FANCA: variants seen among roughly 807,000 people sequenced by gnomAD.
The protein encoded by FANCA is FA complementation group A, also known as Fanconi anemia group A protein.
FANCA carries 236 observed loss-of-function variants against 194.3 expected under a neutral mutation model. The observed-to-expected ratio is 1.21, with a 90% confidence interval of 1.09 to 1.35. FANCA has a LOEUF of 1.35. FANCA is among the 40% of genes most tolerant of loss of function. The probability of loss-of-function intolerance (pLI) is 0.00; values close to 1 mark genes in which losing one functional copy is unlikely to be tolerated. For synonymous variants in FANCA, 1,014 were observed against 715.8 expected (o/e 1.42, Z -6.65); for missense variants, 2,628 against 1,813.9 (o/e 1.45, Z -8.15).
intron 30 of FANCA, among the ~76,000 whole-genome samples, chr16:89,753,456 A>G (rs1180146328): frequency 6.6e-6 from 1 of 152,240 alleles, no homozygotes; most frequent in African/African-American, 2.4e-5. Context: ...GCTGGTCCCT[A>G]CACAAGGATA....
chr16:89,791,023 G>GTGT (rs1260672743), intron 14 of FANCA: 3 of 94,834 alleles, frequency 3.2e-5, no homozygotes, highest in Admixed American at 1.8e-4. Flanking sequence ...GTGTGTGTGT[G>GTGT]TTTTTTTTTT....
intron 15 of FANCA, 135 bp downstream of exon 15, chr16:89,784,707 TTGGGGAAGGGGA>T: frequency 1.3e-6 from 1 of 741,408 alleles, no homozygotes; most frequent in Non-Finnish European, 2.5e-6. Context: ...CATAAACGGC[TTGGGGAAGGGGA>T]AGGGGAAGGG....
rs71137673 is a variant in FANCA, at chr16:89,759,318, TAAAA to T, written c.2853-617_2853-614del. ...TTGGGCAACAGAGCGAGACTCCGTCTAAAAAAAAAAAAAAAAAAAAAAAAAAAAA... is the reference window on the plus strand; with the variant it reads ...TTGGGCAACAGAGCGAGACTCCGTCTAAAAAAAAAAAAAAAAAAAAAAAAA... On this transcript the variant is annotated intron_variant, in intron 29 of 42. Transcript: ENST00000389301. Among the ~76,000 whole-genome samples, 327 of 75,188 alleles carry T rather than the reference TAAAA, an allele frequency of 4.3e-3. 37 individuals carry two copies. Among genetic ancestry groups the T allele is most frequent in the South Asian group, 0.022 (48 of 2,232 alleles). 49.3% of individuals were successfully genotyped at this position (75,188 alleles called of 152,430 possible).
intron 6 of FANCA, among the ~76,000 whole-genome samples, chr16:89,807,249 G>C (rs976121466): frequency 1.3e-5 from 2 of 150,698 alleles, no homozygotes; most frequent in African/African-American, 4.9e-5. Flanking sequence ...ACAAGATCAG[G>C]AGTTCGAGAC....
In FANCA at chr16:89,815,948, C is replaced by A; in HGVS notation, c.118G>T (p.Ala40Ser). The change falls in exon 2 of 43, where the codon GCA becomes TCA. Residue 40 changes from alanine (A) to serine (S), a missense_variant. Coordinates refer to ENST00000389301, the MANE Select transcript of FANCA (RefSeq NM_000135.4). ...VKREKYNPERAQKLKESAVRL... is the reference protein window; with the variant it reads ...VKREKYNPERSQKLKESAVRL... ...ACAGCTGATTCCTTTAATTTCTGTG[C>A]CCTTTCAGGATTATATTTTTCCCTC... The A allele has an allele frequency of 6.2e-7, 1 of 1,614,100 alleles. No homozygotes were observed. Among genetic ancestry groups the A allele is most frequent in the Non-Finnish European group, 8.5e-7 (1 of 1,179,938 alleles).
At chr16:89,805,555 C>G (rs548830429) in intron 6 of FANCA, among the ~76,000 whole-genome samples, 163 bp from the exon 7 acceptor site, 1 of 152,102 alleles carries the variant, frequency 6.6e-6, no homozygotes, top group South Asian at 2.1e-4. Flanking sequence ...ACCTCCCAGG[C>G]TCAAGCAATC....
Position 89,746,873 on chromosome 16 carries a change from G to T in FANCA, c.3366C>A (p.His1122Gln). Reference sequence around the variant, plus strand: ...TGATGTCCTGTGTCAGGGCACCTCCGTGGGAGCAGAAGTTTCTCTGCAAAA... The same window carrying T: ...TGATGTCCTGTGTCAGGGCACCTCCTTGGGAGCAGAAGTTTCTCTGCAAAA... ...VNSEMRNFCS[H>Q]GGALTQDITA... is the part of the protein sequence containing the mutation. Residue 1122 changes from histidine (H) to glutamine (Q), a missense_variant, in exon 34 of 43, where the codon CAC becomes CAA. By Grantham distance (24) the His-to-Gln change is conservative. Coordinates refer to ENST00000389301, the MANE Select transcript of FANCA (RefSeq NM_000135.4). 1.3e-6 allele frequency: 2 copies of T among 1,558,664 alleles called. No individual in the cohort carries two copies. Among genetic ancestry groups the T allele is most frequent in the Non-Finnish European group, 1.7e-6 (2 of 1,150,404 alleles).
intron 5 of FANCA, among the ~76,000 whole-genome samples, chr16:89,809,024 G>A (rs963738354): frequency 1.3e-5 from 2 of 151,880 alleles, no homozygotes; most frequent in Non-Finnish European, 1.5e-5. Context: ...TCCTGCCTCA[G>A]CCTCCTGAGT....
intron 23 of FANCA, among the ~76,000 whole-genome samples, chr16:89,771,208 C>G (rs2039314318): frequency 6.6e-6 from 1 of 150,672 alleles, no homozygotes; most frequent in African/African-American, 2.5e-5. Flanking sequence ...CCTATAATCC[C>G]AACACTTTGG....
chr16:89,798,491 G>A, intron 10 of FANCA: 2 of 1,102,244 alleles, frequency 1.8e-6, no homozygotes, highest in Non-Finnish European at 2.2e-6. Context: ...AGGTTGACAA[G>A]GCCTGGAAAC....
intron 20 of FANCA, among the ~76,000 whole-genome samples, chr16:89,778,180 A>G (rs1188383937): frequency 6.8e-6 from 1 of 146,788 alleles, no homozygotes; most frequent in Non-Finnish European, 1.5e-5. Context: ...AAAAAAAAAA[A>G]GGCCAGGAGC....
Position 89,746,703 on chromosome 16 carries a change from G to A in FANCA, c.3409-15C>T, listed in dbSNP as rs754180909. On this transcript the variant is annotated splice_polypyrimidine_tract_variant and intron_variant, in intron 34 of 42. Transcript: ENST00000389301. ...TTCAGGAGGCCCTGCAGGAGAGAAC[G>A]CAGCAGGAGGTCAGCGGTTTGTGAG... is the stretch of plus-strand genomic sequence containing the variant. 16 of 1,611,386 alleles carry A rather than the reference G, an allele frequency of 9.9e-6. No individual in the cohort carries two copies. Among genetic ancestry groups the A allele is most frequent in the Admixed American group, 3.3e-5 (2 of 59,958 alleles).
At chr16:89,764,372 T>C (rs942660788) in intron 28 of FANCA, among the ~76,000 whole-genome samples, 5 of 152,186 alleles carry the variant, frequency 3.3e-5, no homozygotes, top group African/African-American at 1.2e-4. Flanking sequence ...TGGCGTGATC[T>C]TGGCTCACTG....
intron 33 of FANCA, among the ~76,000 whole-genome samples, chr16:89,747,590 T>C (rs1246223148): frequency 6.6e-6 from 1 of 152,050 alleles, no homozygotes; most frequent in African/African-American, 2.4e-5. Context: ...TCCCAGCTAC[T>C]CAGGAGGCTG....
In FANCA at chr16:89,814,347, G is replaced by A. The variant is rs563407521; in HGVS notation, c.283+173C>T. Among the ~76,000 whole-genome samples, 14 of 152,250 alleles carry A rather than the reference G, an allele frequency of 9.2e-5. No homozygotes were observed. In the East Asian group the frequency reaches 1.2e-3, roughly 13 times the overall value. The stretch of plus-strand genomic sequence containing the variant: ...AGACGCTGTTTTTAAACACAGCATC[G>A]TAAGAAGCCCAAGAGCAAGTCACAC... On this transcript the variant is annotated intron_variant, in intron 3 of 42. Transcript: ENST00000389301.
chr16:89,778,519 T>A, intron 20 of FANCA: 1 of 375,728 alleles, frequency 2.7e-6, no homozygotes, highest in Non-Finnish European at 4.8e-6. Context: ...TCCCAGCTAC[T>A]CAGGAGGCTG....
intron 11 of FANCA, among the ~76,000 whole-genome samples, chr16:89,793,265 G>A (rs2040137984): frequency 1.3e-5 from 2 of 152,126 alleles, no homozygotes; most frequent in Non-Finnish European, 2.9e-5. Context: ...CGTCTTCCCA[G>A]ACGCTGCCGT....
Position 89,739,199 on chromosome 16 carries a change from G to T in FANCA, c.4101C>A (p.Leu1367=). The T allele has an allele frequency of 1.9e-6, 3 of 1,614,194 alleles. No individual in the cohort carries two copies. The highest frequency in any genetic ancestry group is 2.5e-6 in the Non-Finnish European group (3 of 1,180,052). The part of the protein sequence containing the change: ...AVDMYLKLVQ[L]FVAGDTSTVS... Reference sequence around the variant, plus strand: ...CTGTGCTTGTATCCCCAGCCACGAAGAGCTGGACCAGCTTCAAGTACATGT... The same window carrying T: ...CTGTGCTTGTATCCCCAGCCACGAATAGCTGGACCAGCTTCAAGTACATGT... The change falls in exon 41 of 43, where the codon CTC becomes CTA. Residue 1367 remains leucine (L), a synonymous_variant. Coordinates refer to ENST00000389301, the MANE Select transcript of FANCA (RefSeq NM_000135.4).
chr16:89,775,950 TG>T (rs540869578), intron 20 of FANCA, 135 bp from the exon 21 acceptor site: 179 of 438,066 alleles, frequency 4.1e-4, no homozygotes, highest in African/African-American at 2.9e-3. Flanking sequence ...AGTATGAGCC[TG>T]TTTTTACAAA....
Sources: gnomAD v4.1 joint callset for allele counts (sites outside exome capture counted in the v4.1 genomes callset) on GRCh38, gnomAD v4.1.1 for gene constraint, MANE v1.5 for transcripts, NCBI Gene and HGNC (gene_info 2026-07-23, HGNC 2026-07-21) for gene names.